Variants in NBPF9 observed in about 807,000 individuals in gnomAD.
The protein encoded by NBPF9 is NBPF member 9, also known as NBPF family member NBPF9.
A neutral mutation model predicts 97.8 loss-of-function variants in NBPF9; 91 were observed. The observed-to-expected ratio is 0.93, with a 90% CI of 0.79 to 1.11. The LOEUF (loss-of-function observed/expected upper bound fraction) is 1.11, where lower values mean the gene tolerates loss of function less well. NBPF9 is among the 50% of genes least tolerant of loss of function. The pLI is 0.00. For missense variants in NBPF9, 992 were observed against 939.5 expected, an observed-to-expected ratio of 1.06 and a Z score of -0.73; for synonymous variants, 334 against 359.5, an observed-to-expected ratio of 0.93 and a Z score of 0.80.
At chr1:149,089,676 G>A (rs4067702) in intron 5 of NBPF9, among the ~76,000 whole-genome samples, 7 of 152,414 alleles carry the variant, frequency 4.6e-5, no homozygotes, top group South Asian at 4.1e-4. Context: ...GCTCATATTC[G>A]GAAAAGACAG....
chr1:149,058,343 T>C (rs2078370774), intron 26 of NBPF9, 128 bp from the exon 27 acceptor site: 1 of 478,208 alleles, frequency 2.1e-6, no homozygotes, highest in Non-Finnish European at 3.6e-6. Context: ...GTGACAGATA[T>C]ACTTCAGGAG....
chr1:149,071,218 G>A (rs1344319111), intron 15 of NBPF9, 79 bp from the exon 16 acceptor site: 1 of 1,153,818 alleles, frequency 8.7e-7, no homozygotes, highest in Admixed American at 2.0e-5. Flanking sequence ...AGCTGGTTTT[G>A]ACAGGCGGCA....
At chr1:149,071,797 T>C (rs1473743993) in intron 14 of NBPF9, 121 bp from the exon 15 acceptor site, 14 of 656,672 alleles carry the variant, frequency 2.1e-5, no homozygotes, top group Non-Finnish European at 3.5e-5. Context: ...CTGAAAACTC[T>C]CATGTTTTAT....
chr1:149,082,954 T>C (rs1280087608), intron 5 of NBPF9, among the ~76,000 whole-genome samples: 1 of 68,952 alleles, frequency 1.5e-5, no homozygotes. Context: ...TAATTTTTCT[T>C]TTCTTTTTTT....
chr1:149,098,609 C>G lies in NBPF9; in HGVS notation c.-508G>C. The G allele has an allele frequency of 5.3e-6, 7 of 1,309,184 alleles. No individual in the cohort carries two copies. In the South Asian group the frequency reaches 1.5e-4, roughly 27 times the overall value. The allele number at this position is 1,309,184 out of a possible 1,614,324, so 81.1% of individuals were successfully genotyped here. ...CCAAGAACACACAGCACTGAAGCTC[C>G]AGGACACCCTCAGGAGGACGGTAAG... On this transcript the variant is annotated 5_prime_UTR_variant, in exon 4 of 30. Coordinates refer to ENST00000584027, the Ensembl canonical transcript of NBPF9.
At chr1:149,062,607 A>G (rs1180524818) in intron 21 of NBPF9, among the ~76,000 whole-genome samples, 6 of 139,230 alleles carry the variant, frequency 4.3e-5, no homozygotes, top group Non-Finnish European at 9.4e-5. Flanking sequence ...ATAATTTTCC[A>G]TAAACTTGCT....
chr1:149,085,253 T>C (rs1281667243), intron 5 of NBPF9, among the ~76,000 whole-genome samples: 1 of 151,286 alleles, frequency 6.6e-6, no homozygotes, highest in African/African-American at 2.4e-5. Flanking sequence ...AAGATTCTAC[T>C]AAAAAAAAAT....
chr1:149,078,243 T>G (rs1453094063), intron 9 of NBPF9, among the ~76,000 whole-genome samples: 1 of 147,882 alleles, frequency 6.8e-6, no homozygotes, highest in East Asian at 2.0e-4. Context: ...GGCAGCTGTC[T>G]CCCCCATCCT....
intron 5 of NBPF9, among the ~76,000 whole-genome samples, chr1:149,084,892 C>A (rs1553657991): frequency 1.3e-5 from 2 of 151,090 alleles, no homozygotes; most frequent in Non-Finnish European, 2.9e-5. Flanking sequence ...CCCCCACCTT[C>A]AACGTCATTG....
chr1:149,088,138 T>A, intron 5 of NBPF9, among the ~76,000 whole-genome samples: 2 of 152,282 alleles, frequency 1.3e-5, no homozygotes, highest in Non-Finnish European at 2.9e-5. Context: ...GTCTGTTGAA[T>A]TTATTTATAA....
chr1:149,073,023 C>G, intron 13 of NBPF9, 91 bp from the exon 14 acceptor site: 1 of 1,415,834 alleles, frequency 7.1e-7, no homozygotes, highest in Non-Finnish European at 1.0e-6. Flanking sequence ...ACAGTGTCCT[C>G]AAGGAGACCT....
chr1:149,055,698 A>T (rs1339436049), exon 30 of NBPF9: 6 of 1,611,934 alleles, frequency 3.7e-6, no homozygotes, highest in Admixed American at 1.7e-5. Flanking sequence ...CCAGGTGGAG[A>T]CTTGTCACCG....
Position 149,055,995 on chromosome 1 carries a change from A to C in NBPF9, c.3093-96T>G, listed in dbSNP as rs1453235117. On this transcript the variant is annotated intron_variant, in intron 29 of 29. Transcript: ENST00000584027. ...GAAGTAACATAAGGAAGTGGTTAGA[A>C]AAGAAAAAGGATAGATCCATTAATG... is the stretch of plus-strand genomic sequence containing the variant. 199 of 1,609,282 alleles carry C rather than the reference A, an allele frequency of 1.2e-4. 1 individual carries two copies. The African/African-American group carries it at 2.2e-3, about 18-fold the overall frequency.
intron 17 of NBPF9, among the ~76,000 whole-genome samples, chr1:149,068,171 C>A (rs1164096984): frequency 6.7e-6 from 1 of 149,198 alleles, no homozygotes; most frequent in African/African-American, 2.5e-5. Flanking sequence ...ACTGCAAAAA[C>A]ATGCCAAACT....
chr1:149,062,806 C>T (rs1265730066), intron 21 of NBPF9, 56 bp downstream of exon 21: 8 of 741,250 alleles, frequency 1.1e-5, no homozygotes, highest in Non-Finnish European at 1.7e-5. Context: ...TTTCCCTGGA[C>T]CTGGCATCTC....
intron 4 of NBPF9, among the ~76,000 whole-genome samples, chr1:149,098,100 T>G (rs1257862477): frequency 4.4e-5 from 6 of 136,684 alleles, no homozygotes; most frequent in East Asian, 4.4e-4. Flanking sequence ...GACGGCAGGG[T>G]GGAAACAAGA....
At chr1:149,099,498 C>A (rs1396100222) in intron 3 of NBPF9, among the ~76,000 whole-genome samples, 2 of 152,010 alleles carry the variant, frequency 1.3e-5, no homozygotes, top group African/African-American at 4.8e-5. Flanking sequence ...CTGTTTCATG[C>A]CAGGCAAGGT....
intron 3 of NBPF9, among the ~76,000 whole-genome samples, chr1:149,100,798 G>C (rs1294839755): frequency 6.6e-6 from 1 of 151,936 alleles, no homozygotes; most frequent in Non-Finnish European, 1.5e-5. Flanking sequence ...AGCCAGGCAT[G>C]GTGGCACACT....
intron 4 of NBPF9, among the ~76,000 whole-genome samples, chr1:149,093,438 C>T (rs1476073459): frequency 1.1e-4 from 16 of 151,982 alleles, no homozygotes; most frequent in Admixed American, 8.5e-4. Context: ...TTATGGGTGT[C>T]GGGCTGGGGG....
Sources: allele counts gnomAD v4.1 joint callset (sites outside exome capture counted in the v4.1 genomes callset), GRCh38; gene constraint gnomAD v4.1.1; transcripts MANE v1.5; gene names NCBI Gene and HGNC (gene_info 2026-07-23, HGNC 2026-07-21).